The following TANC2 variants were observed in gnomAD, a reference collection of about 807,000 sequenced individuals.
TANC2 encodes tetratricopeptide repeat, ankyrin repeat and coiled-coil containing 2, also known as protein TANC2.
In TANC2, 26 loss-of-function variants were observed where a neutral mutation model predicts 210.5. The observed-to-expected ratio is 0.12, with a 90% CI of 0.09 to 0.17. The LOEUF is 0.17. TANC2 is among the 10% of genes least tolerant of loss of function. The pLI, the probability that TANC2 is intolerant of heterozygous loss-of-function variation, is 1.00. For synonymous variants in TANC2, 931 were observed against 967.1 expected (o/e 0.96, Z 0.69); for missense variants, 2,129 against 2,608.9 (o/e 0.82, Z 4.01).
intron 10 of TANC2, 61 bp from the exon 11 acceptor site, chr17:63,318,896 C>T (rs2045402282): frequency 3.2e-6 from 5 of 1,579,620 alleles, no homozygotes; most frequent in Non-Finnish European, 4.3e-6. Flanking sequence ...TGGAATTTAG[C>T]CATTTTTCCT....
At chr17:63,273,298 TA>T (rs950588638) in intron 9 of TANC2, among the ~76,000 whole-genome samples, 1 of 152,124 alleles carries the variant, frequency 6.6e-6, no homozygotes, top group African/African-American at 2.4e-5. Context: ...GTCTCATTTT[TA>T]AAAAATTATT....
exon 14 of TANC2, chr17:63,355,186 C>G (rs1285178130): frequency 9.9e-6 from 16 of 1,613,722 alleles, no homozygotes; most frequent in Non-Finnish European, 1.3e-5. Flanking sequence ...CACCCACTGA[C>G]TGATGAGCAT....
intron 4 of TANC2, among the ~76,000 whole-genome samples, chr17:63,144,889 TTTTTC>T (rs1201182016): frequency 1.3e-5 from 2 of 152,126 alleles, no homozygotes; most frequent in Admixed American, 6.6e-5. Flanking sequence ...TATTTTTGTT[TTTTTC>T]TTTTCTTTAG....
intron 5 of TANC2, among the ~76,000 whole-genome samples, chr17:63,159,064 A>G (rs1233604632): frequency 1.3e-5 from 2 of 152,220 alleles, no homozygotes; most frequent in African/African-American, 4.8e-5. Flanking sequence ...AGCAAGAGGT[A>G]GAAAGGGTAC....
At chr17:63,039,949 A>G (rs1006847901) in intron 2 of TANC2, among the ~76,000 whole-genome samples, 15 of 152,166 alleles carry the variant, frequency 9.9e-5, no homozygotes, top group African/African-American at 3.1e-4. Flanking sequence ...TATATCTATT[A>G]ATACTGGATT....
rs79955937 is a variant in TANC2, at chr17:62,972,446, A to T, written c.-24+5697A>T. 3.2e-4 allele frequency among the ~76,000 whole-genome samples: 48 copies of T among 152,332 alleles called. 1 individual carries two copies. In the East Asian group the frequency reaches 8.7e-3, roughly 28 times the overall value. Reference sequence around the variant, plus strand: ...CTCCTTTCTTTGTTTATCAGAACTTAAGAGAGTCTCATGTCACTCATTTAA... The same window carrying T: ...CTCCTTTCTTTGTTTATCAGAACTTTAGAGAGTCTCATGTCACTCATTTAA... On this transcript the variant is annotated intron_variant, in intron 1 of 27. Coordinates refer to ENST00000689528, the Ensembl canonical transcript of TANC2.
intron 4 of TANC2, among the ~76,000 whole-genome samples, chr17:63,107,832 G>A (rs1275000908): frequency 6.6e-6 from 1 of 151,664 alleles, no homozygotes; most frequent in Non-Finnish European, 1.5e-5. Context: ...CGATGGTATA[G>A]GTAGTGAATG....
intron 1 of TANC2, among the ~76,000 whole-genome samples, chr17:62,995,594 T>A (rs531779976): frequency 6.6e-6 from 1 of 152,242 alleles, no homozygotes; most frequent in South Asian, 2.1e-4. Flanking sequence ...GACCTGATAA[T>A]AAGTATTGCA....
intron 17 of TANC2, among the ~76,000 whole-genome samples, chr17:63,395,502 GC>G (rs2048124933): frequency 6.6e-6 from 1 of 151,688 alleles, no homozygotes; most frequent in Non-Finnish European, 1.5e-5. Flanking sequence ...TTCTTGGAAT[GC>G]AAAAAAAAAG....
At chr17:63,150,258 C>A (rs2039602049) in intron 4 of TANC2, 1 of 152,126 alleles carries the variant, frequency 6.6e-6, no homozygotes, top group South Asian at 2.1e-4. Flanking sequence ...ACAAACAAAT[C>A]AATTTCAGAT....
chr17:62,982,356 T>C (rs1364031320), intron 1 of TANC2, among the ~76,000 whole-genome samples: 1 of 152,160 alleles, frequency 6.6e-6, no homozygotes, highest in Non-Finnish European at 1.5e-5. Context: ...CCCTTTATAC[T>C]TAAAAACAAA....
chr17:63,364,671 C>CA (rs985792899), intron 14 of TANC2, among the ~76,000 whole-genome samples: 9 of 152,022 alleles, frequency 5.9e-5, no homozygotes, highest in Non-Finnish European at 7.4e-5. Flanking sequence ...CCTGTAATCC[C>CA]AGGGCTTTGG....
At chr17:63,033,287 G>A (rs1305503357) in intron 2 of TANC2, among the ~76,000 whole-genome samples, 1 of 152,144 alleles carries the variant, frequency 6.6e-6, no homozygotes, top group African/African-American at 2.4e-5. Flanking sequence ...AGAAGTTGGG[G>A]TGGGTGGAGC....
intron 11 of TANC2, among the ~76,000 whole-genome samples, chr17:63,320,999 G>C (rs1016813189): frequency 2.6e-4 from 39 of 152,084 alleles, no homozygotes; most frequent in African/African-American, 9.4e-4. Flanking sequence ...AGGAGTTTGA[G>C]ACCAGCCTGA....
intron 1 of TANC2, among the ~76,000 whole-genome samples, chr17:62,975,888 A>G (rs2031974247): frequency 6.6e-6 from 1 of 152,106 alleles, no homozygotes; most frequent in Non-Finnish European, 1.5e-5. Context: ...AAAGTATCCT[A>G]AATTTTTCTT....
chr17:63,194,933 A>G (rs910075689), intron 6 of TANC2, among the ~76,000 whole-genome samples: 1 of 152,186 alleles, frequency 6.6e-6, no homozygotes, highest in Non-Finnish European at 1.5e-5. Flanking sequence ...TATGATCTTA[A>G]TCTTCAGCGT....
chr17:63,338,043 A>C (rs1017508199), intron 11 of TANC2, among the ~76,000 whole-genome samples: 1 of 152,170 alleles, frequency 6.6e-6, no homozygotes, highest in Non-Finnish European at 1.5e-5. Context: ...GGTTGATTCC[A>C]TGTCTTTGCT....
At chr17:63,337,503 C>G (rs2046073164) in intron 11 of TANC2, among the ~76,000 whole-genome samples, 1 of 151,756 alleles carries the variant, frequency 6.6e-6, no homozygotes, top group Non-Finnish European at 1.5e-5. Context: ...CCATTTAAGT[C>G]TCTGCTCTTC....
intron 11 of TANC2, among the ~76,000 whole-genome samples, chr17:63,326,339 C>T (rs2045645944): frequency 6.6e-6 from 1 of 152,156 alleles, no homozygotes; most frequent in Non-Finnish European, 1.5e-5. Context: ...ATAGATAACT[C>T]ATATCTCACA....
Sources: gnomAD v4.1 joint callset for allele counts (sites outside exome capture counted in the v4.1 genomes callset) on GRCh38, gnomAD v4.1.1 for gene constraint, MANE v1.5 for transcripts, NCBI Gene and HGNC (gene_info 2026-07-23, HGNC 2026-07-21) for gene names.